Variants in C2orf42 observed in about 807,000 individuals in gnomAD.
The protein encoded by C2orf42 is chromosome 2 open reading frame 42.
A neutral mutation model predicts 58.9 loss-of-function variants in C2orf42; 44 were observed. The ratio of observed to expected loss-of-function variants is 0.75; its 90% CI spans 0.59 to 0.96. The LOEUF (loss-of-function observed/expected upper bound fraction) is 0.96, where lower values mean the gene tolerates loss of function less well. C2orf42 is among the 40% of genes least tolerant of loss of function. The pLI is 0.00. For missense variants in C2orf42, 630 were observed against 699.2 expected, an observed-to-expected ratio of 0.90 and a Z score of 1.12; for synonymous variants, 239 against 265.4, an observed-to-expected ratio of 0.90 and a Z score of 0.97.
rs775256614 is a variant in C2orf42 at position 70,181,838 on chromosome 2, T to C, written c.148A>G (p.Ile50Val). ...TGCTTGCGTGCACCGTAGCGGAATATGGTTCCACATGTCTTGTTCTTACAG... is the reference window on the plus strand; with the variant it reads ...TGCTTGCGTGCACCGTAGCGGAATACGGTTCCACATGTCTTGTTCTTACAG... ...LSCKNKTCGT[I>V]FRYGARKQPS... The change falls in exon 3 of 10, where the codon ATA becomes GTA. Residue 50 changes from isoleucine to valine, a missense_variant. Coordinates refer to ENST00000264434, the MANE Select transcript of C2orf42 (RefSeq NM_017880.3). 1.2e-6 allele frequency: 2 copies of C among 1,614,138 alleles called. No homozygotes were observed. The highest frequency in any genetic ancestry group is 1.7e-6 in the Non-Finnish European group (2 of 1,180,000).
intron 1 of C2orf42, chr2:70,190,534 G>A (rs947538974): frequency 6.6e-6 from 1 of 152,260 alleles, no homozygotes; most frequent in Non-Finnish European, 1.5e-5. Flanking sequence ...CAGCCAGCAG[G>A]TAACTCACAA....
chr2:70,181,817 T>A lies in C2orf42; in HGVS notation c.169A>T (p.Lys57Ter). ...TTGACAGCTTCAACACTAGGCTGCT[T>A]GCGTGCACCGTAGCGGAATATGGTT... ...CGTIFRYGAR[K>*]QPSVEAVKII... The change falls in exon 3 of 10, where the codon AAG (lysine) becomes TAG (stop). Residue 57 changes from lysine (K) to a stop codon, truncating the protein, a stop_gained. Transcript: ENST00000264434. LOFTEE classifies it high-confidence loss of function. 6.2e-7 allele frequency: 1 copy of A among 1,614,194 alleles called. No homozygotes were observed. The highest frequency in any genetic ancestry group is 1.1e-5 in the South Asian group (1 of 91,082).
intron 9 of C2orf42, 42 bp from the exon 10 acceptor site, chr2:70,150,606 C>T: frequency 2.1e-6 from 3 of 1,459,194 alleles, no homozygotes; most frequent in African/African-American, 1.4e-5. Context: ...CCACCTAACT[C>T]TAATGGGTGT....
chr2:70,159,849 A>T (rs370713119), intron 9 of C2orf42, among the ~76,000 whole-genome samples: 24 of 152,172 alleles, frequency 1.6e-4, no homozygotes, highest in African/African-American at 5.8e-4. Context: ...ATTTACTATT[A>T]TCACTACTGG....
At chr2:70,165,911 G>C (rs1318102996) in intron 6 of C2orf42, among the ~76,000 whole-genome samples, 1 of 151,712 alleles carries the variant, frequency 6.6e-6, no homozygotes, top group Non-Finnish European at 1.5e-5. Context: ...TTTTTTTTGA[G>C]ATGGAGTCTC....
At chr2:70,160,513 G>T in intron 9 of C2orf42, 112 bp downstream of exon 9, 1 of 677,596 alleles carries the variant, frequency 1.5e-6, no homozygotes, top group Non-Finnish European at 2.4e-6. Flanking sequence ...CCTTTACAAG[G>T]TGAATGAATG....
At chr2:70,182,047 A>C in intron 2 of C2orf42, 50 bp from the exon 3 acceptor site, 1 of 828,746 alleles carries the variant, frequency 1.2e-6, no homozygotes, top group Middle Eastern at 3.3e-4. Flanking sequence ...CACACACAAA[A>C]AGTTAAAATC....
At chr2:70,179,157 T>C (rs981534476) in intron 4 of C2orf42, among the ~76,000 whole-genome samples, 5 of 152,092 alleles carry the variant, frequency 3.3e-5, no homozygotes, top group Admixed American at 3.3e-4. Flanking sequence ...ACAGTAAAAG[T>C]AGAATTTGGT....
chr2:70,178,741 T>C (rs1475098422), intron 4 of C2orf42, among the ~76,000 whole-genome samples: 1 of 151,804 alleles, frequency 6.6e-6, no homozygotes, highest in Admixed American at 6.6e-5. Flanking sequence ...TCAAGACCAG[T>C]CTGACCAATA....
At chr2:70,168,190 C>A (rs560105320) in intron 6 of C2orf42, among the ~76,000 whole-genome samples, 1 of 150,590 alleles carries the variant, frequency 6.6e-6, no homozygotes. Flanking sequence ...GCCAAGATCA[C>A]GCCACTGCAC....
At chr2:70,189,125 T>C (rs900224014) in intron 1 of C2orf42, among the ~76,000 whole-genome samples, 34 of 151,602 alleles carry the variant, frequency 2.2e-4, no homozygotes, top group Middle Eastern at 3.4e-3. Flanking sequence ...AAAAATGGCA[T>C]GGCCGGGCAC....
At chr2:70,165,054 T>C (rs764225817) in intron 8 of C2orf42, 38 bp downstream of exon 8, 66 of 1,176,624 alleles carry the variant, frequency 5.6e-5, no homozygotes, top group Non-Finnish European at 8.2e-5. Flanking sequence ...CTCTCTTCCC[T>C]TCACAACCCT....
chr2:70,176,780 C>T (rs935172227), intron 4 of C2orf42, among the ~76,000 whole-genome samples: 6 of 152,076 alleles, frequency 3.9e-5, no homozygotes, highest in Non-Finnish European at 8.8e-5. Flanking sequence ...AGGCATGCAC[C>T]ACTGCACCCA....
At chr2:70,151,838 A>G (rs183075692) in intron 9 of C2orf42, among the ~76,000 whole-genome samples, 33 of 152,060 alleles carry the variant, frequency 2.2e-4, no homozygotes, top group African/African-American at 7.5e-4. Flanking sequence ...GCTGGAGTGC[A>G]GTGTTGCAAT....
chr2:70,168,158 T>A (rs1435365766), intron 6 of C2orf42, among the ~76,000 whole-genome samples: 3 of 151,324 alleles, frequency 2.0e-5, no homozygotes, highest in African/African-American at 7.3e-5. Flanking sequence ...TGCTTGAACC[T>A]GGGAGGTGGA....
intron 9 of C2orf42, among the ~76,000 whole-genome samples, chr2:70,151,157 G>A (rs554108781): frequency 6.6e-6 from 1 of 152,278 alleles, no homozygotes; most frequent in East Asian, 1.9e-4. Context: ...TTTAAGACCA[G>A]CCTATGCAAC....
rs765865318 is a variant in C2orf42 at position 70,150,333 on chromosome 2, A to G, written c.*23T>C. 2 of 1,604,304 alleles carry G rather than the reference A, an allele frequency of 1.2e-6. No individual in the cohort carries two copies. Among genetic ancestry groups the G allele is most frequent in the Non-Finnish European group, 1.7e-6 (2 of 1,173,050 alleles). The stretch of plus-strand genomic sequence containing the variant: ...GTGGGGATGTGCAAATTAAGCAGCA[A>G]AAGATTATTATCTTGTTTTGCTTTA... On this transcript the variant is annotated 3_prime_UTR_variant, in exon 10 of 10. Coordinates refer to ENST00000264434, the MANE Select transcript of C2orf42 (RefSeq NM_017880.3).
chr2:70,156,638 C>T (rs944578440), intron 9 of C2orf42, among the ~76,000 whole-genome samples: 6 of 151,808 alleles, frequency 4.0e-5, no homozygotes, highest in African/African-American at 1.2e-4. Context: ...GGCACGAGGA[C>T]TGCTTGAACC....
intron 2 of C2orf42, among the ~76,000 whole-genome samples, 195 bp from the exon 3 acceptor site, chr2:70,182,192 T>C (rs1274278738): frequency 1.3e-5 from 2 of 152,054 alleles, no homozygotes; most frequent in African/African-American, 4.8e-5. Context: ...CTCCGCCTCC[T>C]GGGTTCAAGT....
Sources: allele counts gnomAD v4.1 joint callset (sites outside exome capture counted in the v4.1 genomes callset), GRCh38; gene constraint gnomAD v4.1.1; transcripts MANE v1.5; gene names NCBI Gene and HGNC (gene_info 2026-07-23, HGNC 2026-07-21).